Variants in DPT observed in about 807,000 individuals in gnomAD.
The protein encoded by DPT is tyrosine-rich acidic matrix protein.
DPT carries 21 observed loss-of-function variants against 31.2 expected under a neutral mutation model. The ratio of observed to expected loss-of-function variants is 0.67; its 90% CI spans 0.48 to 0.97. DPT has a LOEUF of 0.97. Ranked by LOEUF, DPT falls within the 50% of genes least tolerant of loss-of-function variation. The pLI is 0.00. For missense variants in DPT, 262 were observed against 258.8 expected, an observed-to-expected ratio of 1.01 and a Z score of -0.08; for synonymous variants, 91 against 86.9, an observed-to-expected ratio of 1.05 and a Z score of -0.26.
At chr1:168,719,711 C>G (rs184010973) in intron 1 of DPT, among the ~76,000 whole-genome samples, 71 of 152,064 alleles carry the variant, frequency 4.7e-4, no homozygotes, top group African/African-American at 1.7e-3. Context: ...GACCGCAGCT[C>G]TAAGGAAATA....
chr1:168,713,122 T>A (rs1649903576), intron 2 of DPT, among the ~76,000 whole-genome samples: 1 of 152,144 alleles, frequency 6.6e-6, no homozygotes, highest in South Asian at 2.1e-4. Flanking sequence ...CAAGAGATCT[T>A]TAGGTCTTTG....
intron 2 of DPT, among the ~76,000 whole-genome samples, chr1:168,701,658 A>G (rs1306826324): frequency 6.6e-6 from 1 of 152,230 alleles, no homozygotes; most frequent in African/African-American, 2.4e-5. Context: ...AATGTTTCTT[A>G]TTGTGAGTTA....
At chr1:168,723,037 G>A (rs1352254087) in intron 1 of DPT, among the ~76,000 whole-genome samples, 1 of 152,172 alleles carries the variant, frequency 6.6e-6, no homozygotes, top group African/African-American at 2.4e-5. Context: ...AGTTCCCCCA[G>A]ACAATTGATT....
chr1:168,703,377 C>T (rs1186538706), intron 2 of DPT, among the ~76,000 whole-genome samples: 1 of 152,148 alleles, frequency 6.6e-6, no homozygotes, highest in Admixed American at 6.5e-5. Context: ...CCTTTAAAAA[C>T]ATCAAGAAGT....
intron 1 of DPT, among the ~76,000 whole-genome samples, chr1:168,725,456 A>G (rs1312798373): frequency 2.0e-5 from 3 of 152,066 alleles, no homozygotes; most frequent in Non-Finnish European, 4.4e-5. Context: ...TCCGCTACAC[A>G]GTAGCTCAAT....
At chr1:168,725,795 T>C (rs1290545181) in intron 1 of DPT, among the ~76,000 whole-genome samples, 2 of 152,256 alleles carry the variant, frequency 1.3e-5, no homozygotes, top group Non-Finnish European at 2.9e-5. Flanking sequence ...GCAGATCCTA[T>C]GTGCTATTGT....
intron 1 of DPT, among the ~76,000 whole-genome samples, chr1:168,727,761 C>T (rs918025074): frequency 1.3e-5 from 2 of 151,868 alleles, no homozygotes; most frequent in African/African-American, 4.8e-5. Flanking sequence ...TGGTCTCGAA[C>T]TCTTGATCTC....
chr1:168,695,910 G>A lies in DPT; in HGVS notation c.*639C>T. On this transcript the variant is annotated 3_prime_UTR_variant, in exon 4 of 4. Transcript: ENST00000367817. ...TTCCTTACTGGGTATGCTAACGTTTGTCTTCTAATTCAGGAAATCCTTCCA... is the reference window on the plus strand; with the variant it reads ...TTCCTTACTGGGTATGCTAACGTTTATCTTCTAATTCAGGAAATCCTTCCA... 2 of 341,892 alleles carry A rather than the reference G, an allele frequency of 5.8e-6. No homozygotes were observed. Among genetic ancestry groups the A allele is most frequent in the Non-Finnish European group, 1.1e-5 (2 of 189,604 alleles). The allele number at this position is 341,892 out of a possible 1,614,324, so 21.2% of individuals were successfully genotyped here.
At chr1:168,726,488 T>C (rs78139202) in intron 1 of DPT, among the ~76,000 whole-genome samples, 3,024 of 152,294 alleles carry the variant, frequency 0.02, 89 homozygotes, top group African/African-American at 0.068. Context: ...TCAGAGATCA[T>C]GCAGCCTGAC....
intron 1 of DPT, among the ~76,000 whole-genome samples, chr1:168,720,273 A>G (rs542149): frequency 0.71 from 108,234 of 151,898 alleles, 39,624 homozygotes; most frequent in African/African-American, 0.88. Context: ...AGCTCTCAAG[A>G]AATATAATAA....
chr1:168,705,849 C>T (rs1208080980), intron 2 of DPT, among the ~76,000 whole-genome samples: 10 of 152,100 alleles, frequency 6.6e-5, no homozygotes, highest in African/African-American at 2.4e-4. Context: ...CTGTGTTGTT[C>T]TCATACTAGT....
chr1:168,705,256 A>G (rs946852757), intron 2 of DPT, among the ~76,000 whole-genome samples: 1 of 152,204 alleles, frequency 6.6e-6, no homozygotes, highest in African/African-American at 2.4e-5. Flanking sequence ...ACTTCATAGC[A>G]CTGAGATGTG....
At chr1:168,704,547 A>AAAC (rs59849641) in intron 2 of DPT, among the ~76,000 whole-genome samples, 3,952 of 152,268 alleles carry the variant, frequency 0.026, 177 homozygotes, top group African/African-American at 0.09. Flanking sequence ...ACTCCGTCTC[A>AAAC]AACAACAACA....
At chr1:168,700,876 T>G (rs912785160) in intron 3 of DPT, 141 bp downstream of exon 3, 6 of 605,580 alleles carry the variant, frequency 9.9e-6, no homozygotes, top group African/African-American at 6.0e-5. Context: ...TAAGAAATTT[T>G]CACTTGTATT....
At chr1:168,698,758 T>C (rs562770084) in intron 3 of DPT, among the ~76,000 whole-genome samples, 20 of 152,214 alleles carry the variant, frequency 1.3e-4, no homozygotes, top group Non-Finnish European at 5.9e-5. Flanking sequence ...AGCGCATAGA[T>C]GGAACAACAG....
Position 168,696,278 on chromosome 1 carries a change from A to T in DPT, c.*271T>A, listed in dbSNP as rs1649464543. The T allele has an allele frequency of 5.4e-6, 3 of 560,606 alleles. No homozygotes were observed. Among genetic ancestry groups the T allele is most frequent in the Non-Finnish European group, 9.4e-6 (3 of 320,138 alleles). The allele number at this position is 560,606 out of a possible 1,614,324, so 34.7% of individuals were successfully genotyped here. A position where few individuals can be genotyped will look rare whatever the true frequency, so the allele number is the denominator to read the frequency against. On this transcript the variant is annotated 3_prime_UTR_variant, in exon 4 of 4. Transcript: ENST00000367817. The stretch of plus-strand genomic sequence containing the variant: ...GCCCGGCTGTAAGCATGCGCACTGT[A>T]TATGTGGTGTGCAAGGAAGCCATCA...
At position 168,711,050 on chromosome 1, in the gene DPT, G is replaced by A. The variant is rs372639472; in HGVS notation, c.431+3171C>T. ...TTTTGAGTCAGAGTCTTGCTCTGTCGCCCAGGCTGGAGTGCAGTGGCGTGA... is the reference window on the plus strand; with the variant it reads ...TTTTGAGTCAGAGTCTTGCTCTGTCACCCAGGCTGGAGTGCAGTGGCGTGA... On this transcript the variant is annotated intron_variant, in intron 2 of 3. Transcript: ENST00000367817. 3.3e-3 allele frequency among the ~76,000 whole-genome samples: 488 copies of A among 148,378 alleles called. 1 individual carries two copies. Among genetic ancestry groups the A allele is most frequent in the Non-Finnish European group, 5.4e-3 (362 of 67,518 alleles).
At chr1:168,722,121 C>T (rs1035000381) in intron 1 of DPT, among the ~76,000 whole-genome samples, 5 of 152,092 alleles carry the variant, frequency 3.3e-5, no homozygotes, top group African/African-American at 9.7e-5. Context: ...GCATTTATGT[C>T]CTGAGAGCAA....
intron 1 of DPT, among the ~76,000 whole-genome samples, chr1:168,727,275 G>A (rs944852496): frequency 3.9e-5 from 6 of 152,180 alleles, no homozygotes; most frequent in Admixed American, 1.3e-4. Flanking sequence ...AGGAAATACT[G>A]GATCTCTAGA....
Sources: gnomAD v4.1 joint callset for allele counts (sites outside exome capture counted in the v4.1 genomes callset) on GRCh38, gnomAD v4.1.1 for gene constraint, MANE v1.5 for transcripts, NCBI Gene and HGNC (gene_info 2026-07-23, HGNC 2026-07-21) for gene names.